TMEM267: variants seen among roughly 807,000 people sequenced by gnomAD.
The protein encoded by TMEM267 is transmembrane protein C5orf28.
Under a neutral mutation model 19.3 loss-of-function variants are expected in TMEM267, and 20 were observed. The observed-to-expected ratio is 1.04, with a 90% CI of 0.73 to 1.51. The LOEUF is 1.51. Among genes scored for constraint, TMEM267 ranks in the 40% most tolerant of loss-of-function variants. The probability of loss-of-function intolerance (pLI) is 0.00; values close to 1 mark genes in which losing one functional copy is unlikely to be tolerated. For missense variants in TMEM267, 242 were observed against 261.9 expected, an observed-to-expected ratio of 0.92 and a Z score of 0.52; for synonymous variants, 88 against 90.3, an observed-to-expected ratio of 0.97 and a Z score of 0.15.
At chr5:43,450,928 G>C (rs951558947) in intron 2 of TMEM267, among the ~76,000 whole-genome samples, 1 of 151,836 alleles carries the variant, frequency 6.6e-6, no homozygotes, top group Non-Finnish European at 1.5e-5. Context: ...TCCACCTCCC[G>C]GGTTCAAGCA....
intron 1 of TMEM267, among the ~76,000 whole-genome samples, chr5:43,477,234 G>C (rs1219489995): frequency 6.6e-6 from 1 of 151,940 alleles, no homozygotes; most frequent in Non-Finnish European, 1.5e-5. Flanking sequence ...GGAAATCACA[G>C]ACTTGTCAGG....
chr5:43,475,746 G>C (rs1195190457), intron 1 of TMEM267, among the ~76,000 whole-genome samples: 4 of 152,110 alleles, frequency 2.6e-5, no homozygotes, highest in African/African-American at 9.7e-5. Context: ...AATGTGGTTA[G>C]TTCAAGGTAT....
intron 1 of TMEM267, among the ~76,000 whole-genome samples, chr5:43,468,970 A>G (rs906159217): frequency 2.0e-5 from 3 of 152,228 alleles, no homozygotes; most frequent in Admixed American, 1.3e-4. Flanking sequence ...CTCCTGAATG[A>G]CCAGTGGGTC....
chr5:43,449,940 A>G (rs1742479139), intron 2 of TMEM267, among the ~76,000 whole-genome samples: 1 of 152,122 alleles, frequency 6.6e-6, no homozygotes, highest in African/African-American at 2.4e-5. Flanking sequence ...CTAAAAAAGA[A>G]ACTGGAAATT....
intron 1 of TMEM267, among the ~76,000 whole-genome samples, chr5:43,468,767 G>A (rs1743901581): frequency 6.6e-6 from 1 of 152,196 alleles, no homozygotes; most frequent in Non-Finnish European, 1.5e-5. Context: ...TCATCTAAGA[G>A]CTGCAGAATA....
intron 2 of TMEM267, among the ~76,000 whole-genome samples, chr5:43,451,785 T>C (rs1742605331): frequency 6.6e-6 from 1 of 152,124 alleles, no homozygotes. Flanking sequence ...TATAAAAAAC[T>C]TAATCATTGC....
At chr5:43,454,338 A>G (rs959725112) in intron 1 of TMEM267, 5 of 174,592 alleles carry the variant, frequency 2.9e-5, no homozygotes, top group Admixed American at 5.8e-5. Context: ...AGCTGTGTGT[A>G]GTACATGGTG....
At chr5:43,471,642 A>G (rs1165188320) in intron 1 of TMEM267, among the ~76,000 whole-genome samples, 2 of 152,186 alleles carry the variant, frequency 1.3e-5, no homozygotes, top group Non-Finnish European at 2.9e-5. Flanking sequence ...AAATCTGCAC[A>G]CCTATAGCGA....
chr5:43,453,568 A>G (rs917626525), intron 2 of TMEM267, 90 bp downstream of exon 2: 2 of 1,193,596 alleles, frequency 1.7e-6, no homozygotes, highest in Non-Finnish European at 2.3e-6. Context: ...TTTAAGACAA[A>G]TCCTCTCTAG....
chr5:43,452,122 T>C (rs1742637597), intron 2 of TMEM267, among the ~76,000 whole-genome samples: 2 of 146,540 alleles, frequency 1.4e-5, no homozygotes, highest in South Asian at 2.2e-4. Flanking sequence ...GAAATCATTA[T>C]ATAAAAAAGA....
intron 1 of TMEM267, among the ~76,000 whole-genome samples, chr5:43,470,635 A>C (rs1473216468): frequency 6.6e-6 from 1 of 152,216 alleles, no homozygotes; most frequent in African/African-American, 2.4e-5. Flanking sequence ...TGTTCACAAC[A>C]CCAAATGGGG....
upstream of TMEM267, chr5:43,483,895 T>C (rs1239542409): frequency 6.6e-6 from 1 of 152,084 alleles, no homozygotes; most frequent in Non-Finnish European, 1.5e-5. Context: ...CATAGAGACG[T>C]CGGCTGCCGG....
intron 1 of TMEM267, among the ~76,000 whole-genome samples, chr5:43,470,169 C>T (rs1743978146): frequency 1.3e-5 from 2 of 152,108 alleles, no homozygotes; most frequent in African/African-American, 4.8e-5. Flanking sequence ...CAGATGGAGT[C>T]TCGCTCTGCC....
rs1232864676 is a variant in TMEM267 at position 43,474,651 on chromosome 5, C to T, written c.-75+9171G>A. 4.7e-5 allele frequency among the ~76,000 whole-genome samples: 7 copies of T among 150,182 alleles called. No homozygotes were observed. The East Asian group carries it at 7.9e-4, about 17-fold the overall frequency. ...GTGCATGCTTGTAATCCCGGCTACTCGGGAGGATGAGGCAGGAGAATTGCT... is the reference window on the plus strand; with the variant it reads ...GTGCATGCTTGTAATCCCGGCTACTTGGGAGGATGAGGCAGGAGAATTGCT... On this transcript the variant is annotated intron_variant, in intron 1 of 2. Transcript: ENST00000397080.
intron 1 of TMEM267, among the ~76,000 whole-genome samples, chr5:43,474,358 C>T (rs1012095989): frequency 1.1e-4 from 17 of 152,236 alleles, no homozygotes; most frequent in African/African-American, 4.1e-4. Flanking sequence ...TGCAATCTAT[C>T]CAACTGAAAA....
intron 2 of TMEM267, 55 bp downstream of exon 2, chr5:43,453,603 G>C (rs1742741843): frequency 6.7e-7 from 1 of 1,489,074 alleles, no homozygotes; most frequent in Non-Finnish European, 9.1e-7. Context: ...GTAAAGATCA[G>C]CAAAATAGTG....
Position 43,445,183 on chromosome 5 carries a change from C to T in TMEM267, c.*1039G>A, listed in dbSNP as rs894384067. 6.6e-6 allele frequency: 1 copy of T among 151,990 alleles called. No individual in the cohort carries two copies. The highest frequency in any genetic ancestry group is 2.4e-5 in the African/African-American group (1 of 41,404). The allele number at this position is 151,990 out of a possible 1,614,324, so 9.4% of individuals were successfully genotyped here. On this transcript the variant is annotated 3_prime_UTR_variant, in exon 3 of 3. Transcript: ENST00000397080. Reference sequence around the variant, plus strand: ...TTTTCCTTCTCTAATAAAGAGGAATCATTTTAATAGAAGATCAACCTGAAA... The same window carrying T: ...TTTTCCTTCTCTAATAAAGAGGAATTATTTTAATAGAAGATCAACCTGAAA...
chr5:43,444,949 T>C lies in TMEM267; in HGVS notation c.*1273A>G, dbSNP rs1742164271. The C allele has an allele frequency of 6.6e-6, 1 of 152,282 alleles. No homozygotes were observed. The highest frequency in any genetic ancestry group is 3.4e-3 in the Middle Eastern group (1 of 294). The allele number at this position is 152,282 out of a possible 1,614,324, so 9.4% of individuals were successfully genotyped here. On this transcript the variant is annotated 3_prime_UTR_variant, in exon 3 of 3. Transcript: ENST00000397080. ...TTACAGAATTCTGTTTAACTTAATA[T>C]ACAAGAAAATCTGCTGTGGATAAGG...
At chr5:43,482,739 C>T (rs1246952295) in intron 1 of TMEM267, among the ~76,000 whole-genome samples, 2 of 152,224 alleles carry the variant, frequency 1.3e-5, no homozygotes, top group Non-Finnish European at 2.9e-5. Context: ...AACTTTGTCA[C>T]ACCCCATCCC....
Sources: gnomAD v4.1 joint callset for allele counts (sites outside exome capture counted in the v4.1 genomes callset) on GRCh38, gnomAD v4.1.1 for gene constraint, MANE v1.5 for transcripts, NCBI Gene and HGNC (gene_info 2026-07-23, HGNC 2026-07-21) for gene names.